Variants in CERK observed in about 807,000 individuals in gnomAD.
CERK encodes acylsphingosine kinase.
A neutral mutation model predicts 63.4 loss-of-function variants in CERK; 39 were observed. That is an observed-to-expected ratio of 0.61 (90% CI 0.48 to 0.80). CERK has a LOEUF of 0.80. Among genes scored for constraint, CERK ranks in the 30% least tolerant of loss-of-function variants. The pLI is 0.00. For missense variants in CERK, 670 were observed against 714.1 expected (o/e 0.94, Z 0.70); for synonymous variants, 302 against 280.0 (o/e 1.08, Z -0.78).
intron 12 of CERK, among the ~76,000 whole-genome samples, chr22:46,688,614 C>G (rs1010286697): frequency 2.0e-5 from 3 of 152,224 alleles, no homozygotes; most frequent in Non-Finnish European, 4.4e-5. Flanking sequence ...TTCTTAGAGC[C>G]GCAGCTGGCT....
intron 1 of CERK, among the ~76,000 whole-genome samples, chr22:46,726,910 C>T (rs2082921373): frequency 6.6e-6 from 1 of 152,226 alleles, no homozygotes; most frequent in South Asian, 2.1e-4. Flanking sequence ...GACTGCGTGT[C>T]CCCAGCCCTT....
chr22:46,722,206 CA>C (rs151333907), intron 1 of CERK, among the ~76,000 whole-genome samples: 1 of 151,582 alleles, frequency 6.6e-6, no homozygotes, highest in East Asian at 1.9e-4. Context: ...TAGCTAAATG[CA>C]AAAAAAATTG....
rs553951210 is a variant in CERK, at chr22:46,723,434, C to G, written c.143-2419G>C. On this transcript the variant is annotated intron_variant, in intron 1 of 12. Transcript: ENST00000216264. ...AGGAGTTCGAGACCAGCCTGGCCAACATGGTGAAACCCCGTCTCTACTAAA... is the reference window on the plus strand; with the variant it reads ...AGGAGTTCGAGACCAGCCTGGCCAAGATGGTGAAACCCCGTCTCTACTAAA... Among the ~76,000 whole-genome samples, 3 of 152,186 alleles carry G rather than the reference C, an allele frequency of 2.0e-5. No homozygotes were observed. The South Asian group carries it at 6.2e-4, about 32-fold the overall frequency.
chr22:46,698,073 T>A (rs2082765099), intron 8 of CERK, among the ~76,000 whole-genome samples: 1 of 152,212 alleles, frequency 6.6e-6, no homozygotes, highest in Non-Finnish European at 1.5e-5. Flanking sequence ...CCCCGCAGCC[T>A]GGGTTCTACC....
At chr22:46,720,340 A>G (rs2082886025) in intron 2 of CERK, 132 bp from the exon 3 acceptor site, 4 of 990,532 alleles carry the variant, frequency 4.0e-6, no homozygotes. Context: ...CCTCCCTTCT[A>G]ATTAGTAACT....
At chr22:46,725,848 G>A (rs944546722) in intron 1 of CERK, among the ~76,000 whole-genome samples, 1 of 152,228 alleles carries the variant, frequency 6.6e-6, no homozygotes, top group African/African-American at 2.4e-5. Context: ...GGTAATGCCT[G>A]CTAGGGGCAG....
intron 3 of CERK, among the ~76,000 whole-genome samples, chr22:46,717,753 A>C (rs2082873123): frequency 6.6e-6 from 1 of 152,224 alleles, no homozygotes; most frequent in Non-Finnish European, 1.5e-5. Context: ...GCTCAGCGTG[A>C]AAATTCACCC....
intron 3 of CERK, among the ~76,000 whole-genome samples, chr22:46,716,598 A>G (rs1223307439): frequency 6.6e-6 from 1 of 152,120 alleles, no homozygotes; most frequent in East Asian, 1.9e-4. Context: ...ATTCAATAAA[A>G]GATTCAGATC....
At chr22:46,687,302 G>C in intron 12 of CERK, 96 bp from the exon 13 acceptor site, 1 of 479,242 alleles carries the variant, frequency 2.1e-6, no homozygotes, top group Non-Finnish European at 3.3e-6. Context: ...TAAACCCCAC[G>C]TGTCCCTCAC....
At chr22:46,697,811 A>G (rs2082763691) in intron 8 of CERK, among the ~76,000 whole-genome samples, 1 of 152,074 alleles carries the variant, frequency 6.6e-6, no homozygotes, top group African/African-American at 2.4e-5. Context: ...GGCCAATTCT[A>G]TGTATTTTTA....
At chr22:46,699,204 C>G in intron 8 of CERK, 109 bp downstream of exon 8, 1 of 1,115,956 alleles carries the variant, frequency 9.0e-7, no homozygotes, top group Non-Finnish European at 1.3e-6. Flanking sequence ...CGTCTGTGAG[C>G]AGGTGGGGGC....
rs188461803 is a variant in CERK, at chr22:46,714,196, A to G, written c.380-1903T>C. Among the ~76,000 whole-genome samples, 62 of 152,276 alleles carry G rather than the reference A, an allele frequency of 4.1e-4. 1 individual carries two copies. In the East Asian group the frequency reaches 0.01, roughly 25 times the overall value. On this transcript the variant is annotated intron_variant, in intron 3 of 12. Transcript: ENST00000216264. The surrounding 1 kb of genome is among the most constrained non-coding windows in gnomAD (Gnocchi z 4.4). ...TGAGGCAGGAGAATCACTTGAACCC[A>G]GGAAGTGGAGGTTGCAGTGAGCCAA...
intron 5 of CERK, among the ~76,000 whole-genome samples, chr22:46,709,266 A>T (rs1343868971): frequency 6.6e-6 from 1 of 152,194 alleles, no homozygotes; most frequent in African/African-American, 2.4e-5. Context: ...TTTGGGGAGA[A>T]GGCGTGCCCT....
At chr22:46,698,467 A>T (rs1002126227) in intron 8 of CERK, among the ~76,000 whole-genome samples, 1 of 152,250 alleles carries the variant, frequency 6.6e-6, no homozygotes, top group African/African-American at 2.4e-5. Context: ...AAACCACGCA[A>T]CCTTGTTGAA....
chr22:46,701,908 C>T (rs371718889), intron 6 of CERK, among the ~76,000 whole-genome samples, 198 bp from the exon 7 acceptor site: 80 of 152,220 alleles, frequency 5.3e-4, no homozygotes, highest in Non-Finnish European at 9.3e-4. Flanking sequence ...TTGGGCCGGG[C>T]GGTGGCTCAC....
chr22:46,713,508 C>CAAAAAAAAAAAAAAAAA (rs34168827), intron 3 of CERK, among the ~76,000 whole-genome samples: 23 of 74,230 alleles, frequency 3.1e-4, no homozygotes, highest in Admixed American at 5.2e-4. Context: ...GACTTCATCT[C>CAAAAAAAAAAAAAAAAA]AAAAAAAAAA....
At position 46,684,887 on chromosome 22, in the gene CERK, C is replaced by G. The variant is rs2082691475; in HGVS notation, c.*2247G>C. 1 of 152,154 alleles carries G rather than the reference C, an allele frequency of 6.6e-6. No homozygotes were observed. The highest frequency in any genetic ancestry group is 1.5e-5 in the Non-Finnish European group (1 of 68,038). The allele number at this position is 152,154 out of a possible 1,614,324, so 9.4% of individuals were successfully genotyped here. On this transcript the variant is annotated 3_prime_UTR_variant, in exon 13 of 13. Transcript: ENST00000216264. ...GACACACGGTACCGCAACAGCAGTCCCGAGGTCTGAGATTCTGAATGTCAG... is the reference window on the plus strand; with the variant it reads ...GACACACGGTACCGCAACAGCAGTCGCGAGGTCTGAGATTCTGAATGTCAG...
chr22:46,720,184 C>T lies in CERK; in HGVS notation c.281G>A (p.Arg94Gln), dbSNP rs549806434. The change falls in exon 3 of 13, where the codon CGG becomes CAG. Residue 94 changes from arginine (R) to glutamine (Q), a missense_variant. By Grantham distance (43) the Arg-to-Gln change is conservative. Transcript: ENST00000216264. Reference sequence around the variant, plus strand: ...CACCTGCGCCCACTTCCAGCGGTGCCGTCGTGCTCTCTTTACACAGTGAAC... The same window carrying T: ...CACCTGCGCCCACTTCCAGCGGTGCTGTCGTGCTCTCTTTACACAGTGAAC... ...FTVHCVKRAR[R>Q]HRWKWAQVTF... 2.5e-5 allele frequency: 41 copies of T among 1,613,876 alleles called. No individual in the cohort carries two copies. Among genetic ancestry groups the T allele is most frequent in the Middle Eastern group, 1.7e-4 (1 of 6,058 alleles).
At chr22:46,701,802 T>G in intron 6 of CERK, 92 bp from the exon 7 acceptor site, 2 of 882,584 alleles carry the variant, frequency 2.3e-6, no homozygotes, top group Admixed American at 4.6e-5. Flanking sequence ...ATTCCTTTCC[T>G]TCCATGGCCC....
Sources: allele counts gnomAD v4.1 joint callset (sites outside exome capture counted in the v4.1 genomes callset), GRCh38; gene constraint gnomAD v4.1.1; non-coding constraint Gnocchi (gnomAD v3.1); transcripts MANE v1.5; gene names NCBI Gene and HGNC (gene_info 2026-07-23, HGNC 2026-07-21).